Variants in COLEC10 observed in about 807,000 individuals in gnomAD.
COLEC10 encodes collectin subfamily member 10.
In COLEC10, 22 loss-of-function variants were observed where a neutral mutation model predicts 28.4. That is an observed-to-expected ratio of 0.78 (90% CI 0.55 to 1.11). COLEC10 has a LOEUF of 1.11. Among genes scored for constraint, COLEC10 ranks in the 50% least tolerant of loss-of-function variants. The probability of loss-of-function intolerance (pLI) is 0.00; values close to 1 mark genes in which losing one functional copy is unlikely to be tolerated. For missense variants in COLEC10, 361 were observed against 344.1 expected (o/e 1.05, Z -0.39); for synonymous variants, 125 against 116.1 (o/e 1.08, Z -0.49).
intron 2 of COLEC10, among the ~76,000 whole-genome samples, chr8:119,061,443 A>T (rs200155107): frequency 0.29 from 40,118 of 137,710 alleles, 5,858 homozygotes; most frequent in East Asian, 0.64. Flanking sequence ...GCTGGTATTG[A>T]AAAAAAAAAA....
the COLEC10 span, among the ~76,000 whole-genome samples, chr8:118,966,211 G>A: frequency 1.3e-5 from 2 of 152,118 alleles, no homozygotes; most frequent in African/African-American, 4.8e-5. Flanking sequence ...AGCACTTACT[G>A]TTTGTTGATT....
At chr8:119,069,813 C>T (rs1304680537) in intron 1 of COLEC10, among the ~76,000 whole-genome samples, 1 of 151,274 alleles carries the variant, frequency 6.6e-6, no homozygotes, top group African/African-American at 2.4e-5. Context: ...TGCGTTATTA[C>T]TGTTTTTTCA....
In COLEC10 at chr8:119,023,588, G is replaced by A. The variant is rs144136869; in HGVS notation, n.235+14035G>A. ...AACTATTCATATTAGTTCTTTCTTGGTGCTTTCCTTGACATTTAAAAAATA... is the reference window on the plus strand; with the variant it reads ...AACTATTCATATTAGTTCTTTCTTGATGCTTTCCTTGACATTTAAAAAATA... On this transcript the variant is annotated intron_variant and non_coding_transcript_variant, in intron 2 of 6. Transcript: ENST00000521788. 3.6e-3 allele frequency among the ~76,000 whole-genome samples: 550 copies of A among 152,134 alleles called. 3 individuals carry two copies. Among genetic ancestry groups the A allele is most frequent in the African/African-American group, 0.012 (514 of 41,502 alleles).
At chr8:119,001,272 A>G (rs562752307) in intron 1 of COLEC10, among the ~76,000 whole-genome samples, 51 of 152,274 alleles carry the variant, frequency 3.3e-4, no homozygotes, top group African/African-American at 1.2e-3. Context: ...CACAGTAAGG[A>G]GAATAAAAAC....
the COLEC10 span, among the ~76,000 whole-genome samples, chr8:118,962,771 TC>T: frequency 6.6e-6 from 1 of 152,212 alleles, no homozygotes; most frequent in East Asian, 1.9e-4. Flanking sequence ...CTTCCCATTT[TC>T]CACACCCCTC....
At chr8:118,979,978 T>G in the COLEC10 span, among the ~76,000 whole-genome samples, 11 of 152,056 alleles carry the variant, frequency 7.2e-5, no homozygotes, top group African/African-American at 2.7e-4. Flanking sequence ...TGCTCAGAAC[T>G]TGGCAGCTTG....
Position 119,097,889 on chromosome 8 carries a change from T to G in COLEC10, c.293-4459T>G, listed in dbSNP as rs565461794. On this transcript the variant is annotated intron_variant, in intron 3 of 5. Coordinates refer to ENST00000332843, the MANE Select transcript of COLEC10 (RefSeq NM_006438.5). ...ACTTTTTTTTTTTAGATAAGTAACA[T>G]TTTTTAATTGCAGTGAAACATACAC... 3.4e-4 allele frequency among the ~76,000 whole-genome samples: 51 copies of G among 152,114 alleles called. 1 individual carries two copies. Among genetic ancestry groups the G allele is most frequent in the Non-Finnish European group, 5.3e-4 (36 of 67,942 alleles).
At chr8:119,028,227 G>A in intron 2 of COLEC10, among the ~76,000 whole-genome samples, 1 of 152,212 alleles carries the variant, frequency 6.6e-6, no homozygotes, top group East Asian at 1.9e-4. Context: ...TAGATAAATA[G>A]CTAAGGAAAG....
At chr8:119,088,119 ACT>A (rs1291916475) in intron 1 of COLEC10, among the ~76,000 whole-genome samples, 5 of 151,676 alleles carry the variant, frequency 3.3e-5, no homozygotes, top group African/African-American at 1.2e-4. Flanking sequence ...AGAGAAAGAC[ACT>A]GTCAGAAAGA....
intron 2 of COLEC10, among the ~76,000 whole-genome samples, chr8:119,062,050 A>C (rs1052100996): frequency 9.9e-5 from 15 of 152,210 alleles, no homozygotes; most frequent in Non-Finnish European, 1.9e-4. Context: ...GAGAGAAACA[A>C]AATTAGTACA....
the COLEC10 span, among the ~76,000 whole-genome samples, chr8:118,990,149 A>G: frequency 6.6e-6 from 1 of 152,116 alleles, no homozygotes; most frequent in Non-Finnish European, 1.5e-5. Context: ...TTACATCTCT[A>G]CTGAAGAATC....
At chr8:119,070,545 C>CCTCTCCCTCTCTCTCTCT (rs1815094663) in intron 1 of COLEC10, among the ~76,000 whole-genome samples, 1 of 56,016 alleles carries the variant, frequency 1.8e-5, no homozygotes, top group Non-Finnish European at 3.3e-5. Flanking sequence ...TCTCTCTCTC[C>CCTCTCCCTCTCTCTCTCT]CTCTCCCTCT....
intron 2 of COLEC10, among the ~76,000 whole-genome samples, chr8:119,017,663 C>T (rs964155024): frequency 2.6e-5 from 4 of 152,074 alleles, no homozygotes; most frequent in Non-Finnish European, 5.9e-5. Context: ...TTCGGAGCTC[C>T]TACATCACTA....
chr8:119,023,962 T>C (rs574677044), intron 2 of COLEC10, among the ~76,000 whole-genome samples: 4 of 152,188 alleles, frequency 2.6e-5, no homozygotes, highest in Non-Finnish European at 4.4e-5. Flanking sequence ...CTCATACGCA[T>C]GTATATTCCT....
intron 2 of COLEC10, among the ~76,000 whole-genome samples, chr8:119,056,082 A>T (rs1814755596): frequency 6.6e-6 from 1 of 152,046 alleles, no homozygotes; most frequent in Non-Finnish European, 1.5e-5. Context: ...GGAACCTGGG[A>T]ATCATCCTGA....
intron 1 of COLEC10, among the ~76,000 whole-genome samples, chr8:119,071,828 C>A (rs1490522740): frequency 6.6e-6 from 1 of 152,020 alleles, no homozygotes; most frequent in Non-Finnish European, 1.5e-5. Context: ...CATGAAAGAC[C>A]CCCAACATTT....
intron 1 of COLEC10, among the ~76,000 whole-genome samples, chr8:119,084,319 C>T (rs1021631807): frequency 4.6e-5 from 7 of 152,198 alleles, no homozygotes; most frequent in African/African-American, 1.4e-4. Context: ...GGTCAGGACC[C>T]TCCCCTGGGC....
intron 2 of COLEC10, among the ~76,000 whole-genome samples, chr8:119,029,111 A>T (rs148888885): frequency 1.3e-5 from 2 of 152,228 alleles, no homozygotes; most frequent in Non-Finnish European, 2.9e-5. Flanking sequence ...AGCTGCGGGG[A>T]GTCATGCCAC....
At chr8:119,026,720 T>G (rs75955780) in intron 2 of COLEC10, among the ~76,000 whole-genome samples, 6,762 of 152,092 alleles carry the variant, frequency 0.044, 221 homozygotes, top group East Asian at 0.16. Context: ...AGGGAAGAAA[T>G]CAGGTTTGGG....
Sources: allele counts gnomAD v4.1 joint callset (sites outside exome capture counted in the v4.1 genomes callset), GRCh38; gene constraint gnomAD v4.1.1; transcripts MANE v1.5; gene names NCBI Gene and HGNC (gene_info 2026-07-23, HGNC 2026-07-21).